The following KDM4B variants were observed in gnomAD, a reference collection of about 807,000 sequenced individuals.
The protein encoded by KDM4B is lysine demethylase 4B.
In KDM4B, 32 loss-of-function variants were observed where a neutral mutation model predicts 125.2. The observed-to-expected ratio is 0.26, with a 90% CI of 0.19 to 0.34. The LOEUF is 0.34. KDM4B is among the 10% of genes least tolerant of loss of function. The probability of loss-of-function intolerance (pLI) is 1.00; values close to 1 mark genes in which losing one functional copy is unlikely to be tolerated. For missense variants in KDM4B, 1,190 were observed against 1,577.7 expected, an observed-to-expected ratio of 0.75 and a Z score of 4.16; for synonymous variants, 721 against 677.9, an observed-to-expected ratio of 1.06 and a Z score of -0.99.
intron 6 of KDM4B, among the ~76,000 whole-genome samples, chr19:5,057,956 T>C (rs1246022187): frequency 6.6e-6 from 1 of 152,228 alleles, no homozygotes; most frequent in South Asian, 2.1e-4. Flanking sequence ...AAGGTCGCCC[T>C]GGGTGCTGCT....
chr19:5,054,912 A>G lies in KDM4B; in HGVS notation c.626+7243A>G, dbSNP rs143644889. 2.0e-5 allele frequency among the ~76,000 whole-genome samples: 3 copies of G among 152,350 alleles called. No individual in the cohort carries two copies. In the East Asian group the frequency reaches 5.8e-4, roughly 29 times the overall value. On this transcript the variant is annotated intron_variant, in intron 6 of 22. Coordinates refer to ENST00000159111, the MANE Select transcript of KDM4B (RefSeq NM_015015.3). Reference sequence around the variant, plus strand: ...TGACGCCATCAGCCCAGGCCTGCTTATCAAGACTGGGGAGTGAACTGAGCA... The same window carrying G: ...TGACGCCATCAGCCCAGGCCTGCTTGTCAAGACTGGGGAGTGAACTGAGCA...
At chr19:5,051,994 C>T (rs1287397925) in intron 6 of KDM4B, among the ~76,000 whole-genome samples, 1 of 152,078 alleles carries the variant, frequency 6.6e-6, no homozygotes, top group African/African-American at 2.4e-5. Context: ...GGGCACGGAG[C>T]CCCCAGTTGC....
chr19:5,092,357 C>T (rs2038726481), intron 9 of KDM4B, among the ~76,000 whole-genome samples: 1 of 152,202 alleles, frequency 6.6e-6, no homozygotes, highest in Admixed American at 6.5e-5. Flanking sequence ...CATCCACTCC[C>T]ATGGGGGCAG....
intron 10 of KDM4B, among the ~76,000 whole-genome samples, chr19:5,119,420 G>A (rs1393334005): frequency 1.3e-5 from 2 of 152,120 alleles, no homozygotes; most frequent in East Asian, 1.9e-4. Flanking sequence ...CGTCCCCGCC[G>A]TGTCCATTGC....
intron 18 of KDM4B, among the ~76,000 whole-genome samples, chr19:5,143,727 G>A (rs1047954128): frequency 2.0e-5 from 3 of 152,156 alleles, no homozygotes; most frequent in African/African-American, 4.8e-5. Context: ...TGACATGCAG[G>A]GGGGATGGGA....
chr19:5,108,905 G>A (rs550716498), intron 9 of KDM4B, among the ~76,000 whole-genome samples: 24 of 152,260 alleles, frequency 1.6e-4, no homozygotes, highest in African/African-American at 1.9e-4. Flanking sequence ...ACGGGGGCCC[G>A]TGCCTCTGCC....
intron 1 of KDM4B, among the ~76,000 whole-genome samples, chr19:4,989,418 AC>A (rs2034959911): frequency 6.6e-6 from 1 of 151,000 alleles, no homozygotes; most frequent in African/African-American, 2.4e-5. Context: ...GCTCACTGTA[AC>A]CTCCGTCTCC....
intron 22 of KDM4B, 104 bp from the exon 23 acceptor site, chr19:5,151,231 A>G: frequency 4.9e-6 from 5 of 1,024,266 alleles, no homozygotes; most frequent in Non-Finnish European, 6.5e-6. Context: ...CACAGCAATC[A>G]GGGCTCTGTG....
chr19:5,005,978 C>T (rs576061965), intron 1 of KDM4B, among the ~76,000 whole-genome samples: 2 of 152,282 alleles, frequency 1.3e-5, no homozygotes, highest in South Asian at 4.1e-4. Context: ...TCTCGTGCTG[C>T]ACTTCAGGGC....
chr19:5,055,583 A>G (rs1168143630), intron 6 of KDM4B, among the ~76,000 whole-genome samples: 1 of 151,294 alleles, frequency 6.6e-6, no homozygotes, highest in Non-Finnish European at 1.5e-5. Flanking sequence ...GGCACCCCGC[A>G]GCAGGCGAGT....
At position 5,034,226 on chromosome 19, in the gene KDM4B, G is replaced by C. The variant is rs185796959; in HGVS notation, c.141+1195G>C. ...CGTGAGTCTCTGTGTTCGGGTGTGG[G>C]CCTGTTCGAGCAGTGCTCACCCCTC... On this transcript the variant is annotated intron_variant, in intron 3 of 22. Transcript: ENST00000159111. Among the ~76,000 whole-genome samples, 612 of 152,332 alleles carry C rather than the reference G, an allele frequency of 4.0e-3. 3 individuals are homozygous for C. The highest frequency in any genetic ancestry group is 5.7e-3 in the Non-Finnish European group (391 of 68,016).
intron 1 of KDM4B, among the ~76,000 whole-genome samples, chr19:4,980,926 C>T (rs992034741): frequency 6.7e-5 from 9 of 133,994 alleles, no homozygotes; most frequent in Non-Finnish European, 1.1e-4. Flanking sequence ...GCAGACACAG[C>T]ATAGAAACCA....
chr19:5,115,901 G>A lies in KDM4B; in HGVS notation c.1116-3752G>A, dbSNP rs576552410. Among the ~76,000 whole-genome samples, 10 of 152,266 alleles carry A rather than the reference G, an allele frequency of 6.6e-5. No homozygotes were observed. In the South Asian group the frequency reaches 2.1e-3, roughly 32 times the overall value. On this transcript the variant is annotated intron_variant, in intron 10 of 22. Transcript: ENST00000159111. This position sits in a 1 kb window ranked among gnomAD's most constrained non-coding sequence, Gnocchi z 4.2. ...TCAGGAAGTCAGAGGCGTAGTCTAG[G>A]AAATCTAGCCCCTGATAGGAGTTTC...
intron 9 of KDM4B, among the ~76,000 whole-genome samples, chr19:5,085,746 G>A (rs925106715): frequency 2.6e-5 from 4 of 152,210 alleles, no homozygotes; most frequent in Admixed American, 1.3e-4. Context: ...AGGGCCTTAC[G>A]CAGGGAGTGT....
intron 18 of KDM4B, among the ~76,000 whole-genome samples, chr19:5,139,482 G>C (rs113145969): frequency 6.6e-6 from 1 of 152,318 alleles, no homozygotes; most frequent in Non-Finnish European, 1.5e-5. Flanking sequence ...GGGCAGCTCT[G>C]TTTTTAGCAC....
At chr19:5,088,438 C>T (rs565412530) in intron 9 of KDM4B, among the ~76,000 whole-genome samples, 2 of 152,352 alleles carry the variant, frequency 1.3e-5, no homozygotes, top group African/African-American at 4.8e-5. Context: ...CCCTCACTCC[C>T]CTGGCCCCTA....
At chr19:5,134,876 A>G (rs937281054) in intron 14 of KDM4B, among the ~76,000 whole-genome samples, 4 of 152,172 alleles carry the variant, frequency 2.6e-5, no homozygotes, top group African/African-American at 9.7e-5. Flanking sequence ...ACAAGACCTG[A>G]CAGCCGACAC....
chr19:5,066,682 C>T (rs539747483), intron 6 of KDM4B, among the ~76,000 whole-genome samples: 28 of 152,330 alleles, frequency 1.8e-4, no homozygotes, highest in South Asian at 8.3e-4. Context: ...ATGGCTCTCA[C>T]GGAGCTTGTG....
chr19:5,047,487 G>T lies in KDM4B; in HGVS notation c.444G>T (p.Gln148His). 6.2e-7 allele frequency: 1 copy of T among 1,609,500 alleles called. No individual in the cohort carries two copies. Among genetic ancestry groups the T allele is most frequent in the Non-Finnish European group, 8.5e-7 (1 of 1,177,246 alleles). Residue 148 changes from glutamine (Q) to histidine (H), a missense_variant, in exon 6 of 23, where the codon CAG becomes CAT. By Grantham distance (24) the Gln-to-His change is conservative. This residue lies in a region of KDM4B where 139 missense variants were observed against 248.3 expected (regional missense o/e 0.56). Coordinates refer to ENST00000159111, the MANE Select transcript of KDM4B (RefSeq NM_015015.3). ...CTGCCGCCCCACAGGACGTGGCCCA[G>T]TGGAACATCGGGAGCCTCCGGACCA... The part of the protein sequence containing the change: ...SGSLYDDDVA[Q>H]WNIGSLRTIL...
Sources: allele counts gnomAD v4.1 joint callset (sites outside exome capture counted in the v4.1 genomes callset), GRCh38; gene constraint gnomAD v4.1.1; regional missense constraint gnomAD v4.1.1; non-coding constraint Gnocchi (gnomAD v3.1); transcripts MANE v1.5; gene names NCBI Gene and HGNC (gene_info 2026-07-23, HGNC 2026-07-21).